Variants in ITPR1 observed in about 807,000 individuals in gnomAD.
ITPR1 encodes inositol 1,4,5-trisphosphate-gated calcium channel ITPR1.
ITPR1 carries 96 observed loss-of-function variants against 318.4 expected under a neutral mutation model. That is an observed-to-expected ratio of 0.30 (90% CI 0.26 to 0.36). The LOEUF (loss-of-function observed/expected upper bound fraction) is 0.36, where lower values mean the gene tolerates loss of function less well. ITPR1 is among the 10% of genes least tolerant of loss of function. The pLI, the probability that ITPR1 is intolerant of heterozygous loss-of-function variation, is 1.00. For missense variants in ITPR1, 2,440 were observed against 3,460.2 expected, an observed-to-expected ratio of 0.71 and a Z score of 7.40; for synonymous variants, 1,312 against 1,289.9, an observed-to-expected ratio of 1.02 and a Z score of -0.37.
intron 60 of ITPR1, among the ~76,000 whole-genome samples, chr3:4,834,713 A>C (rs981629013): frequency 6.6e-6 from 1 of 152,224 alleles, no homozygotes; most frequent in African/African-American, 2.4e-5. Flanking sequence ...AGTCAACGAT[A>C]GGCCACTGCA....
At chr3:4,825,726 G>C (rs776717428) in intron 60 of ITPR1, 14 of 456,508 alleles carry the variant, frequency 3.1e-5, no homozygotes, top group Non-Finnish European at 1.8e-5. Flanking sequence ...GTTTAAAAGG[G>C]GAACTGGCTG....
At chr3:4,627,639 C>G in intron 4 of ITPR1, 124 bp from the exon 5 acceptor site, 1 of 617,454 alleles carries the variant, frequency 1.6e-6, no homozygotes. Context: ...TTTGTACTCT[C>G]ATTTTATATC....
At chr3:4,757,165 A>C (rs1016714280) in intron 44 of ITPR1, among the ~76,000 whole-genome samples, 2 of 152,158 alleles carry the variant, frequency 1.3e-5, no homozygotes, top group African/African-American at 4.8e-5. Flanking sequence ...CTCTCTGCCT[A>C]CCCAGGTGTG....
At chr3:4,582,453 A>G (rs1170138485) in intron 4 of ITPR1, among the ~76,000 whole-genome samples, 3 of 152,020 alleles carry the variant, frequency 2.0e-5, no homozygotes, top group Admixed American at 2.0e-4. Context: ...CCACGCGTCC[A>G]TGTGTATGCA....
At chr3:4,700,240 A>G (rs949616949) in intron 35 of ITPR1, among the ~76,000 whole-genome samples, 1 of 152,212 alleles carries the variant, frequency 6.6e-6, no homozygotes, top group Non-Finnish European at 1.5e-5. Context: ...TAACATTTAT[A>G]AAACATCTAG....
rs2090545585 is a variant in ITPR1 at position 4,593,412 on chromosome 3, C to A, written c.164-34351C>A. On this transcript the variant is annotated intron_variant, in intron 4 of 61. Coordinates refer to ENST00000649015, the MANE Select transcript of ITPR1 (RefSeq NM_001378452.1). ...CTATTTTCAAGAGGAAATATGAGACCTCAAGAAGGCGAGAGATCAGAATTG... is the reference window on the plus strand; with the variant it reads ...CTATTTTCAAGAGGAAATATGAGACATCAAGAAGGCGAGAGATCAGAATTG... 2.0e-5 allele frequency among the ~76,000 whole-genome samples: 3 copies of A among 152,168 alleles called. No individual in the cohort carries two copies. The South Asian group carries it at 6.2e-4, about 31-fold the overall frequency.
intron 4 of ITPR1, among the ~76,000 whole-genome samples, chr3:4,540,656 C>G (rs2084355419): frequency 6.6e-6 from 1 of 152,118 alleles, no homozygotes; most frequent in African/African-American, 2.4e-5. Context: ...GGCTTGATCT[C>G]GGCTTGCTGT....
intron 5 of ITPR1, among the ~76,000 whole-genome samples, chr3:4,632,186 C>G (rs1428870467): frequency 6.6e-6 from 1 of 152,190 alleles, no homozygotes; most frequent in African/African-American, 2.4e-5. Flanking sequence ...GAAGGTTGGT[C>G]AGTCCTGCAT....
chr3:4,605,470 A>G (rs2091639210), intron 4 of ITPR1, among the ~76,000 whole-genome samples: 1 of 152,152 alleles, frequency 6.6e-6, no homozygotes, highest in African/African-American at 2.4e-5. Context: ...TCAGTATTAG[A>G]TTTGCTGAAG....
At chr3:4,705,421 T>A (rs9871443) in intron 36 of ITPR1, among the ~76,000 whole-genome samples, 1 of 152,020 alleles carries the variant, frequency 6.6e-6, no homozygotes, top group African/African-American at 2.4e-5. Flanking sequence ...CGATTCGAAT[T>A]TCACCACTTT....
rs898264763 is a variant in ITPR1 at position 4,755,497 on chromosome 3, C to T, written c.5545-11033C>T. Among the ~76,000 whole-genome samples, 8 of 151,958 alleles carry T rather than the reference C, an allele frequency of 5.3e-5. 1 individual carries two copies. The highest frequency in any genetic ancestry group is 4.2e-4 in the South Asian group (2 of 4,800). ...CAAGCAGTCCTTCCACCTTGGCCTCCGGAAGTGCTGTGATTACAGCTGTAA... is the reference window on the plus strand; with the variant it reads ...CAAGCAGTCCTTCCACCTTGGCCTCTGGAAGTGCTGTGATTACAGCTGTAA... On this transcript the variant is annotated intron_variant, in intron 44 of 61. Coordinates refer to ENST00000649015, the MANE Select transcript of ITPR1 (RefSeq NM_001378452.1).
chr3:4,683,805 G>A lies in ITPR1; in HGVS notation c.3498+7G>A. ...TGAACATAAGAAAACGGAGGTGAGT[G>A]AAACACAAGTTATGCTGCCAAAGTG... On this transcript the variant is annotated splice_region_variant and intron_variant, in intron 28 of 61. Transcript: ENST00000649015. 1 of 1,611,614 alleles carries A rather than the reference G, an allele frequency of 6.2e-7. No individual in the cohort carries two copies.
rs41290678 is a variant in ITPR1, at chr3:4,837,059, C to T, written c.8190+124C>T. 0.2 allele frequency: 161,705 copies of T among 802,222 alleles called. 17,335 individuals carry two copies. The highest frequency in any genetic ancestry group is 0.23 in the Non-Finnish European group (127,310 of 559,088). The allele number at this position is 802,222 out of a possible 1,614,324, so 49.7% of individuals were successfully genotyped here. Reference sequence around the variant, plus strand: ...CATCTAGATGGAAAAGGGAGCCAGGCAACAGGGGACAAACCCACTCACTCC... The same window carrying T: ...CATCTAGATGGAAAAGGGAGCCAGGTAACAGGGGACAAACCCACTCACTCC... On this transcript the variant is annotated intron_variant, in intron 61 of 61. Transcript: ENST00000649015.
intron 4 of ITPR1, among the ~76,000 whole-genome samples, chr3:4,592,057 C>G (rs1013927322): frequency 2.0e-5 from 3 of 152,106 alleles, no homozygotes; most frequent in Admixed American, 6.6e-5. Flanking sequence ...TAATTCCGAG[C>G]TGGGGTTCCG....
At chr3:4,684,456 T>C (rs2094355428) in intron 29 of ITPR1, 110 bp downstream of exon 29, 1 of 775,608 alleles carries the variant, frequency 1.3e-6, no homozygotes, top group Non-Finnish European at 2.2e-6. Context: ...TTTCTTCATG[T>C]GGTTTAACAG....
intron 36 of ITPR1, among the ~76,000 whole-genome samples, chr3:4,705,900 C>A (rs2094746887): frequency 6.6e-6 from 1 of 152,184 alleles, no homozygotes; most frequent in South Asian, 2.1e-4. Flanking sequence ...ACCCATTGAA[C>A]TTTAACTCTG....
At chr3:4,671,338 T>G (rs2125209852) in intron 20 of ITPR1, among the ~76,000 whole-genome samples, 1 of 152,364 alleles carries the variant, frequency 6.6e-6, no homozygotes, top group Non-Finnish European at 1.5e-5. Context: ...CACCAAATGT[T>G]TATAGACAGA....
At chr3:4,529,286 A>G (rs1356152506) in intron 4 of ITPR1, among the ~76,000 whole-genome samples, 2 of 152,362 alleles carry the variant, frequency 1.3e-5, no homozygotes, top group South Asian at 4.1e-4. Flanking sequence ...TTCTAGTGCA[A>G]TAAATAAGTT....
intron 1 of ITPR1, 84 bp downstream of exon 1, chr3:4,493,689 A>C (rs867707501): frequency 2.0e-5 from 3 of 151,858 alleles, no homozygotes; most frequent in African/African-American, 7.3e-5. Flanking sequence ...TCTCGGGGAG[A>C]TCTTGATGGA....
Sources: allele counts gnomAD v4.1 joint callset (sites outside exome capture counted in the v4.1 genomes callset), GRCh38; gene constraint gnomAD v4.1.1; transcripts MANE v1.5; gene names NCBI Gene and HGNC (gene_info 2026-07-23, HGNC 2026-07-21).